The following GRID2 variants were observed in gnomAD, a reference collection of about 807,000 sequenced individuals.
GRID2 encodes the protein glutamate ionotropic receptor delta type subunit 2.
A neutral mutation model predicts 114.8 loss-of-function variants in GRID2; 33 were observed. The observed-to-expected ratio is 0.29, with a 90% CI of 0.22 to 0.38. GRID2 has a LOEUF of 0.38. Among genes scored for constraint, GRID2 ranks in the 10% least tolerant of loss-of-function variants. The pLI, the probability that GRID2 is intolerant of heterozygous loss-of-function variation, is 1.00. For synonymous variants in GRID2, 505 were observed against 449.9 expected (o/e 1.12, Z -1.55); for missense variants, 1,184 against 1,257.7 (o/e 0.94, Z 0.89).
intron 8 of GRID2, among the ~76,000 whole-genome samples, chr4:93,293,178 GA>G (rs1004817633): frequency 6.6e-6 from 1 of 151,690 alleles, no homozygotes. Flanking sequence ...CTCCAAGTCA[GA>G]AAAAAAATTG....
At chr4:93,125,195 T>C (rs961007212) in intron 4 of GRID2, among the ~76,000 whole-genome samples, 4 of 152,066 alleles carry the variant, frequency 2.6e-5, no homozygotes, top group Non-Finnish European at 5.9e-5. Flanking sequence ...CATATTTCAC[T>C]TTTTTCATAT....
In GRID2 at chr4:93,371,062, G is replaced by A. The variant is rs138690936; in HGVS notation, c.1246-24545G>A. On this transcript the variant is annotated intron_variant, in intron 8 of 15. Transcript: ENST00000282020. ...GTAAGAGAGAAAGATGCATTGAATC[G>A]TTTATTCAGAAAGAACTTATTATGT... is the stretch of plus-strand genomic sequence containing the variant. Among the ~76,000 whole-genome samples the A allele has an allele frequency of 2.5e-3, 382 of 152,206 alleles. 2 individuals are homozygous for A. Among genetic ancestry groups the A allele is most frequent in the African/African-American group, 8.5e-3 (353 of 41,532 alleles).
intron 2 of GRID2, among the ~76,000 whole-genome samples, chr4:92,826,843 T>G (rs544404877): frequency 6.6e-6 from 1 of 152,218 alleles, no homozygotes; most frequent in East Asian, 1.9e-4. Flanking sequence ...CAATCTGATT[T>G]TATAGACTGG....
intron 1 of GRID2, among the ~76,000 whole-genome samples, chr4:92,561,928 A>G (rs897805337): frequency 3.3e-5 from 5 of 152,158 alleles, no homozygotes; most frequent in Non-Finnish European, 7.3e-5. Context: ...TGACTATGAA[A>G]ATTTCATAAT....
chr4:92,480,696 G>C (rs1722544826), intron 1 of GRID2, among the ~76,000 whole-genome samples: 1 of 152,054 alleles, frequency 6.6e-6, no homozygotes, highest in African/African-American at 2.4e-5. Flanking sequence ...GTCGCTCAAG[G>C]CTCTAACCTT....
chr4:93,367,961 T>C (rs1415276875), intron 8 of GRID2, among the ~76,000 whole-genome samples: 2 of 152,134 alleles, frequency 1.3e-5, no homozygotes, highest in Non-Finnish European at 1.5e-5. Flanking sequence ...AGAAAATCTA[T>C]ATAAAGACAT....
chr4:93,696,884 C>T (rs1057360050), intron 14 of GRID2, among the ~76,000 whole-genome samples: 1 of 152,088 alleles, frequency 6.6e-6, no homozygotes, highest in Non-Finnish European at 1.5e-5. Flanking sequence ...ATTAATCTAC[C>T]TTTACAGGCT....
intron 14 of GRID2, among the ~76,000 whole-genome samples, chr4:93,748,048 C>A: frequency 6.6e-6 from 1 of 151,904 alleles, no homozygotes; most frequent in South Asian, 2.1e-4. Context: ...TAAGGAAATT[C>A]GATAAACATT....
At chr4:92,734,163 T>C (rs1377882045) in intron 2 of GRID2, among the ~76,000 whole-genome samples, 1 of 152,194 alleles carries the variant, frequency 6.6e-6, no homozygotes, top group Non-Finnish European at 1.5e-5. Context: ...TTCAAAATTT[T>C]AAATTATGTT....
chr4:93,135,229 G>A (rs1735140653), intron 4 of GRID2, among the ~76,000 whole-genome samples: 1 of 152,110 alleles, frequency 6.6e-6, no homozygotes. Context: ...TGAACAATAG[G>A]AGGCTTTGGG....
At chr4:92,609,366 C>T (rs1729610636) in intron 2 of GRID2, among the ~76,000 whole-genome samples, 1 of 151,134 alleles carries the variant, frequency 6.6e-6, no homozygotes, top group Non-Finnish European at 1.5e-5. Flanking sequence ...ATATCTTGCT[C>T]TCTGGGAATG....
At chr4:93,517,925 CTATATATGTATG>C (rs1729893181) in intron 13 of GRID2, among the ~76,000 whole-genome samples, 1 of 109,292 alleles carries the variant, frequency 9.1e-6, no homozygotes, top group African/African-American at 3.1e-5. Context: ...TATGTATATA[CTATATATGTATG>C]TATATACATA....
chr4:92,977,314 C>T (rs973560163), intron 2 of GRID2, among the ~76,000 whole-genome samples: 5 of 152,050 alleles, frequency 3.3e-5, no homozygotes, highest in African/African-American at 1.2e-4. Context: ...AAAAAGTAGT[C>T]AACCACAAAA....
intron 2 of GRID2, among the ~76,000 whole-genome samples, chr4:93,048,231 C>A (rs1726351512): frequency 6.6e-6 from 1 of 152,062 alleles, no homozygotes; most frequent in African/African-American, 2.4e-5. Context: ...CTCTATTGTT[C>A]TGAATTTTTG....
chr4:93,659,297 A>G (rs963924448), intron 14 of GRID2, among the ~76,000 whole-genome samples: 1 of 152,178 alleles, frequency 6.6e-6, no homozygotes, highest in African/African-American at 2.4e-5. Context: ...GAGGTCTCAC[A>G]CTTATGGGTG....
At chr4:92,856,529 C>G (rs376893065) in intron 2 of GRID2, among the ~76,000 whole-genome samples, 1 of 152,028 alleles carries the variant, frequency 6.6e-6, no homozygotes, top group African/African-American at 2.4e-5. Flanking sequence ...CACTTTTTTT[C>G]CAGAAGATAG....
In GRID2 at chr4:93,216,797, T is replaced by G. The variant is rs766575553; in HGVS notation, c.849T>G (p.Ile283Met). The change falls in exon 6 of 16, where the codon ATT becomes ATG. Residue 283 changes from isoleucine to methionine, a missense_variant. Physicochemically the swap from Ile to Met is conservative, Grantham distance 10. Coordinates refer to ENST00000282020, the MANE Select transcript of GRID2 (RefSeq NM_001510.4). ...GAAGGTCAATTGGAAGGTTAACGAT[T>G]ATTCGGCAGACATTTCCAGTTCCCC... ...LVRRSIGRLT[I>M]IRQTFPVPQN... 15 of 1,612,586 alleles carry G rather than the reference T, an allele frequency of 9.3e-6. No homozygotes were observed. Among genetic ancestry groups the G allele is most frequent in the Admixed American group, 3.3e-5 (2 of 59,964 alleles).
chr4:93,372,643 A>G (rs777687301), intron 8 of GRID2, among the ~76,000 whole-genome samples: 4 of 152,128 alleles, frequency 2.6e-5, no homozygotes, highest in African/African-American at 4.8e-5. Context: ...TTAGAGGCAC[A>G]GAAACCATTT....
chr4:92,819,799 A>C (rs976715334), intron 2 of GRID2, among the ~76,000 whole-genome samples: 1 of 152,140 alleles, frequency 6.6e-6, no homozygotes, highest in Non-Finnish European at 1.5e-5. Flanking sequence ...TTTGCAGTTA[A>C]GTAATCTTTG....
Sources: gnomAD v4.1 joint callset for allele counts (sites outside exome capture counted in the v4.1 genomes callset) on GRCh38, gnomAD v4.1.1 for gene constraint, MANE v1.5 for transcripts, NCBI Gene and HGNC (gene_info 2026-07-23, HGNC 2026-07-21) for gene names.